FHIT: variants seen among roughly 807,000 people sequenced by gnomAD.
FHIT encodes bis(5'-adenosyl)-triphosphatase.
In FHIT, 19 loss-of-function variants were observed where a neutral mutation model predicts 17.9. That is an observed-to-expected ratio of 1.06 (90% confidence interval 0.74 to 1.56). The LOEUF is 1.56. Ranked by LOEUF, FHIT falls within the 40% of genes most tolerant of loss-of-function variation. FHIT has a pLI of 0.00. For synonymous variants in FHIT, 81 were observed against 69.7 expected (o/e 1.16, Z -0.81); for missense variants, 248 against 189.2 (o/e 1.31, Z -1.82).
chr3:61,211,146 G>T (rs1205993040), intron 1 of FHIT, among the ~76,000 whole-genome samples: 2 of 151,876 alleles, frequency 1.3e-5, no homozygotes, highest in Admixed American at 6.6e-5. Flanking sequence ...GTGCCAGACA[G>T]TGGGCGCAGG....
chr3:60,956,524 G>A (rs1709168164), intron 3 of FHIT, among the ~76,000 whole-genome samples: 1 of 152,118 alleles, frequency 6.6e-6, no homozygotes, highest in Admixed American at 6.5e-5. Context: ...TATCTCTTGT[G>A]ATTTAAGTTT....
intron 5 of FHIT, among the ~76,000 whole-genome samples, chr3:60,219,172 T>A (rs1163993181): frequency 1.3e-5 from 2 of 152,140 alleles, no homozygotes; most frequent in East Asian, 3.8e-4. Flanking sequence ...GCTTTGCTTA[T>A]TTTGGGTTTT....
chr3:60,546,477 T>C (rs1306504532), intron 4 of FHIT, among the ~76,000 whole-genome samples: 1 of 152,218 alleles, frequency 6.6e-6, no homozygotes, highest in Admixed American at 6.5e-5. Flanking sequence ...TTATGCTGAA[T>C]TGATATTGTT....
At chr3:60,284,568 CATAAAGAGCTACACTT>C (rs1707626843) in intron 5 of FHIT, among the ~76,000 whole-genome samples, 1 of 152,082 alleles carries the variant, frequency 6.6e-6, no homozygotes, top group African/African-American at 2.4e-5. Flanking sequence ...AAGATACTTA[CATAAAGAGCTACACTT>C]TTTTAATTTA....
chr3:60,397,553 G>A (rs1029303028), intron 5 of FHIT, among the ~76,000 whole-genome samples: 1 of 152,190 alleles, frequency 6.6e-6, no homozygotes. Context: ...GTGGATCAAG[G>A]ATAGCAGTAG....
At chr3:60,937,882 T>G (rs1470299250) in intron 3 of FHIT, among the ~76,000 whole-genome samples, 7 of 152,018 alleles carry the variant, frequency 4.6e-5, no homozygotes, top group African/African-American at 1.7e-4. Flanking sequence ...TTTCTTCACA[T>G]TGTCACTGCA....
chr3:60,767,629 A>G (rs1553721850), intron 4 of FHIT, among the ~76,000 whole-genome samples: 1 of 152,222 alleles, frequency 6.6e-6, no homozygotes, highest in Non-Finnish European at 1.5e-5. Context: ...AGATTAACAA[A>G]ATTCGGTGTC....
chr3:61,043,735 G>A (rs1394107034), intron 2 of FHIT, among the ~76,000 whole-genome samples: 3 of 152,206 alleles, frequency 2.0e-5, no homozygotes, highest in East Asian at 3.9e-4. Flanking sequence ...CCCAGTAGGG[G>A]CCGACTGACA....
intron 5 of FHIT, among the ~76,000 whole-genome samples, chr3:60,073,706 A>G (rs1702883032): frequency 6.6e-6 from 1 of 152,050 alleles, no homozygotes; most frequent in Non-Finnish European, 1.5e-5. Context: ...CTGGAAAGGT[A>G]TTTTCAGTGC....
intron 1 of FHIT, among the ~76,000 whole-genome samples, chr3:61,241,765 G>C (rs1003325368): frequency 2.0e-5 from 3 of 152,166 alleles, no homozygotes; most frequent in African/African-American, 7.2e-5. Flanking sequence ...TTAAGTTACA[G>C]AATCCTGAAA....
chr3:60,135,159 AAGAT>A (rs1308596698), intron 5 of FHIT, among the ~76,000 whole-genome samples: 2 of 152,128 alleles, frequency 1.3e-5, no homozygotes, highest in African/African-American at 2.4e-5. Context: ...ATGTTTTCAA[AAGAT>A]AGATAGATTC....
chr3:60,734,807 A>C (rs1382465880), intron 4 of FHIT, among the ~76,000 whole-genome samples: 1 of 152,266 alleles, frequency 6.6e-6, no homozygotes, highest in Non-Finnish European at 1.5e-5. Flanking sequence ...TCCTGTAAGA[A>C]AGATTTGCTA....
intron 5 of FHIT, among the ~76,000 whole-genome samples, chr3:60,063,069 T>C (rs947437849): frequency 2.0e-5 from 3 of 152,144 alleles, no homozygotes; most frequent in Admixed American, 2.0e-4. Flanking sequence ...TACAGATACA[T>C]GCAAACAAAT....
At chr3:60,408,062 C>T (rs1287817767) in intron 5 of FHIT, among the ~76,000 whole-genome samples, 1 of 152,158 alleles carries the variant, frequency 6.6e-6, no homozygotes, top group African/African-American at 2.4e-5. Context: ...AAATTTTCCT[C>T]AAGTCTTTTC....
At chr3:60,029,936 T>C in intron 5 of FHIT, among the ~76,000 whole-genome samples, 1 of 151,378 alleles carries the variant, frequency 6.6e-6, no homozygotes, top group East Asian at 1.9e-4. Flanking sequence ...TGTACAAATG[T>C]GATGGCCTTG....
chr3:60,227,806 C>A (rs1338021457), intron 5 of FHIT, among the ~76,000 whole-genome samples: 1 of 152,164 alleles, frequency 6.6e-6, no homozygotes, highest in Non-Finnish European at 1.5e-5. Context: ...TGGCTTCCAA[C>A]TCCAAGAACT....
At chr3:61,030,996 T>C (rs1050249501) in intron 3 of FHIT, among the ~76,000 whole-genome samples, 11 of 152,178 alleles carry the variant, frequency 7.2e-5, no homozygotes, top group African/African-American at 2.2e-4. Context: ...TCCTTATCCA[T>C]TGTCAAAGAT....
At position 59,775,292 on chromosome 3, in the gene FHIT, C is replaced by A. The variant is rs1191281414; in HGVS notation, c.349-22971G>T. Among the ~76,000 whole-genome samples the A allele has an allele frequency of 2.0e-5, 3 of 152,164 alleles. No homozygotes were observed. In the East Asian group the frequency reaches 5.8e-4, roughly 29 times the overall value. ...TCAAACCACTGCAATGCTGGAGTGA[C>A]CTCTCTGCACAGAAATCTGCTTAAC... On this transcript the variant is annotated intron_variant, in intron 8 of 9. Transcript: ENST00000492590.
At chr3:60,844,687 T>A (rs1675705688) in intron 3 of FHIT, among the ~76,000 whole-genome samples, 1 of 152,188 alleles carries the variant, frequency 6.6e-6, no homozygotes, top group Admixed American at 6.6e-5. Context: ...TCATATGTAA[T>A]TAATCATATT....
Sources: gnomAD v4.1 joint callset for allele counts (sites outside exome capture counted in the v4.1 genomes callset) on GRCh38, gnomAD v4.1.1 for gene constraint, MANE v1.5 for transcripts, NCBI Gene and HGNC (gene_info 2026-07-23, HGNC 2026-07-21) for gene names.